Variants in SGIP1 observed in about 807,000 individuals in gnomAD.
The protein encoded by SGIP1 is SH3-containing GRB2-like protein 3-interacting protein 1.
A neutral mutation model predicts 107.5 loss-of-function variants in SGIP1; 38 were observed. That is an observed-to-expected ratio of 0.35 (90% confidence interval 0.27 to 0.46). The LOEUF is 0.46. Ranked by LOEUF, SGIP1 falls within the 20% of genes least tolerant of loss-of-function variation. The pLI is 1.00. For missense variants in SGIP1, 929 were observed against 1,019.5 expected, an observed-to-expected ratio of 0.91 and a Z score of 1.21; for synonymous variants, 365 against 366.1, an observed-to-expected ratio of 1.00 and a Z score of 0.03.
intron 8 of SGIP1, among the ~76,000 whole-genome samples, chr1:66,664,391 C>G (rs1392852387): frequency 2.0e-5 from 3 of 152,054 alleles, no homozygotes; most frequent in Admixed American, 6.6e-5. Flanking sequence ...GTCTAGTGTC[C>G]TAGCTACTTA....
At chr1:66,666,488 G>A (rs1234556767) in intron 8 of SGIP1, 1 of 153,444 alleles carries the variant, frequency 6.5e-6, no homozygotes, top group Non-Finnish European at 1.5e-5. Context: ...CTTTAAAGTA[G>A]TTTTTTCCAG....
intron 1 of SGIP1, among the ~76,000 whole-genome samples, chr1:66,613,886 G>A (rs2068595060): frequency 6.6e-6 from 1 of 152,176 alleles, no homozygotes; most frequent in African/African-American, 2.4e-5. Context: ...TCTGGCACAT[G>A]ATAGATGCTC....
chr1:66,671,028 A>G lies in SGIP1; in HGVS notation c.508+9A>G. On this transcript the variant is annotated intron_variant, in intron 10 of 24. Transcript: ENST00000371037. Reference sequence around the variant, plus strand: ...TAAAAGGAACTTATCCAGTAAGTATATCTTAGCTACCAGAAATAGTGTATG... The same window carrying G: ...TAAAAGGAACTTATCCAGTAAGTATGTCTTAGCTACCAGAAATAGTGTATG... 9 of 1,349,036 alleles carry G rather than the reference A, an allele frequency of 6.7e-6. No individual in the cohort carries two copies. The highest frequency in any genetic ancestry group is 9.3e-6 in the Non-Finnish European group (9 of 970,018). 83.6% of individuals were successfully genotyped at this position (1,349,036 alleles called of 1,614,324 possible).
chr1:66,632,889 C>A (rs181447287), intron 2 of SGIP1, among the ~76,000 whole-genome samples, 181 bp from the exon 3 acceptor site: 2 of 152,274 alleles, frequency 1.3e-5, no homozygotes, highest in Middle Eastern at 3.4e-3. Flanking sequence ...CATACACATA[C>A]CCCACACTTA....
chr1:66,667,480 A>C, intron 8 of SGIP1, 50 bp from the exon 9 acceptor site: 2 of 1,585,022 alleles, frequency 1.3e-6, no homozygotes, highest in Non-Finnish European at 1.7e-6. Flanking sequence ...TGACTGATCC[A>C]TCATTCTCTG....
chr1:66,741,840 T>C (rs1301158558), intron 24 of SGIP1, among the ~76,000 whole-genome samples: 5 of 152,094 alleles, frequency 3.3e-5, no homozygotes, highest in East Asian at 3.9e-4. Flanking sequence ...CGATCTCTAC[T>C]CACTGCAAGC....
intron 20 of SGIP1, 136 bp downstream of exon 20, chr1:66,729,555 C>A: frequency 8.4e-7 from 1 of 1,197,512 alleles, no homozygotes; most frequent in Non-Finnish European, 1.2e-6. Context: ...TAGATTCAAG[C>A]ACAGAACTTT....
intron 7 of SGIP1, among the ~76,000 whole-genome samples, chr1:66,655,366 C>T (rs944819866): frequency 6.6e-6 from 1 of 152,122 alleles, no homozygotes; most frequent in African/African-American, 2.4e-5. Context: ...GCCTACCCTG[C>T]CCACCTTATA....
chr1:66,605,912 C>A (rs185384817), intron 1 of SGIP1, among the ~76,000 whole-genome samples: 7 of 152,236 alleles, frequency 4.6e-5, no homozygotes, highest in Middle Eastern at 3.4e-3. Flanking sequence ...GATTGCTTCG[C>A]GGTTCAGCCA....
intron 8 of SGIP1, among the ~76,000 whole-genome samples, chr1:66,667,177 G>T (rs898318598): frequency 2.0e-5 from 3 of 151,148 alleles, no homozygotes; most frequent in African/African-American, 4.9e-5. Flanking sequence ...TATTCTCTAA[G>T]TACCCCCCCC....
At chr1:66,656,373 A>C (rs1257712881) in intron 7 of SGIP1, among the ~76,000 whole-genome samples, 1 of 152,216 alleles carries the variant, frequency 6.6e-6, no homozygotes, top group African/African-American at 2.4e-5. Context: ...GAAGGAGTAT[A>C]CTCAAAAAGT....
At chr1:66,630,309 G>A (rs1403317380) in intron 2 of SGIP1, among the ~76,000 whole-genome samples, 3 of 152,128 alleles carry the variant, frequency 2.0e-5, no homozygotes, top group Non-Finnish European at 4.4e-5. Flanking sequence ...CCACAGCCAG[G>A]CCAATCTCCG....
chr1:66,564,995 C>G (rs1165024597), intron 1 of SGIP1, among the ~76,000 whole-genome samples: 1 of 151,922 alleles, frequency 6.6e-6, no homozygotes, highest in African/African-American at 2.4e-5. Flanking sequence ...TGAAGAAAAA[C>G]TGAGGTCTGG....
intron 9 of SGIP1, 133 bp downstream of exon 9, chr1:66,667,674 T>C (rs2082868907): frequency 1.3e-6 from 1 of 795,794 alleles, no homozygotes; most frequent in African/African-American, 1.7e-5. Context: ...GGTTTACTGA[T>C]TGAAAGCCTC....
chr1:66,564,139 A>G (rs2059341237), intron 1 of SGIP1, among the ~76,000 whole-genome samples: 1 of 152,004 alleles, frequency 6.6e-6, no homozygotes, highest in Non-Finnish European at 1.5e-5. Flanking sequence ...CCCTGCTGTA[A>G]TAGTCTCTGA....
intron 11 of SGIP1, 74 bp downstream of exon 11, chr1:66,672,069 G>A (rs2083957743): frequency 2.2e-6 from 3 of 1,392,436 alleles, no homozygotes; most frequent in Non-Finnish European, 3.0e-6. Context: ...AATCTCCTTT[G>A]AGCTAAACTC....
At chr1:66,622,598 C>T (rs1038911348) in intron 1 of SGIP1, among the ~76,000 whole-genome samples, 1 of 152,054 alleles carries the variant, frequency 6.6e-6, no homozygotes, top group Admixed American at 6.6e-5. Context: ...TTTCCCACAA[C>T]ACCAAAAGAA....
intron 7 of SGIP1, chr1:66,643,945 C>T: frequency 6.5e-6 from 2 of 309,980 alleles, no homozygotes; most frequent in East Asian, 1.0e-4. Flanking sequence ...TATGGAACCA[C>T]ATTTTCTTTT....
intron 1 of SGIP1, among the ~76,000 whole-genome samples, chr1:66,622,395 A>G (rs1453027357): frequency 5.3e-5 from 8 of 152,154 alleles, no homozygotes; most frequent in Non-Finnish European, 1.0e-4. Flanking sequence ...CAATGACAAA[A>G]TTTCTTTCTA....
Sources: gnomAD v4.1 joint callset for allele counts (sites outside exome capture counted in the v4.1 genomes callset) on GRCh38, gnomAD v4.1.1 for gene constraint, MANE v1.5 for transcripts, NCBI Gene and HGNC (gene_info 2026-07-23, HGNC 2026-07-21) for gene names.